GREB1L: variants seen among roughly 807,000 people sequenced by gnomAD.
The protein encoded by GREB1L is GREB1 like retinoic acid receptor coactivator.
GREB1L carries 17 observed loss-of-function variants against 200.8 expected under a neutral mutation model. That is an observed-to-expected ratio of 0.08 (90% CI 0.06 to 0.13). The LOEUF (loss-of-function observed/expected upper bound fraction) is 0.13, where lower values mean the gene tolerates loss of function less well. GREB1L is among the 10% of genes least tolerant of loss of function. The probability of loss-of-function intolerance (pLI) is 1.00; values close to 1 mark genes in which losing one functional copy is unlikely to be tolerated. For missense variants in GREB1L, 1,657 were observed against 2,367.7 expected, an observed-to-expected ratio of 0.70 and a Z score of 6.23; for synonymous variants, 789 against 893.0, an observed-to-expected ratio of 0.88 and a Z score of 2.08.
chr18:21,480,127 G>A (rs1270163774), intron 17 of GREB1L, among the ~76,000 whole-genome samples: 2 of 152,174 alleles, frequency 1.3e-5, no homozygotes, highest in Non-Finnish European at 2.9e-5. Flanking sequence ...GAGATGAGTG[G>A]ATCACTTGAG....
intron 1 of GREB1L, among the ~76,000 whole-genome samples, chr18:21,320,250 A>G (rs2038931205): frequency 6.6e-6 from 1 of 152,176 alleles, no homozygotes; most frequent in Admixed American, 6.5e-5. Context: ...GAAGAATACT[A>G]ACACCCACTA....
intron 17 of GREB1L, 114 bp from the exon 18 acceptor site, chr18:21,485,506 T>C: frequency 1.1e-6 from 1 of 895,514 alleles, no homozygotes. Context: ...TATTTTTTCT[T>C]ACTTGTCAGG....
intron 1 of GREB1L, among the ~76,000 whole-genome samples, chr18:21,316,619 A>C (rs1197702328): frequency 3.9e-5 from 6 of 152,184 alleles, no homozygotes; most frequent in Non-Finnish European, 7.3e-5. Flanking sequence ...CTGGCTGTAA[A>C]AACCACTTCC....
intron 1 of GREB1L, among the ~76,000 whole-genome samples, chr18:21,256,491 CTG>C (rs199570436): frequency 0.015 from 2,275 of 152,300 alleles, 58 homozygotes; most frequent in African/African-American, 0.051. Context: ...ATTTCACAGA[CTG>C]TATCATTCCC....
chr18:21,510,259 A>C (rs2146043059), intron 27 of GREB1L, among the ~76,000 whole-genome samples: 1 of 152,260 alleles, frequency 6.6e-6, no homozygotes, highest in African/African-American at 2.4e-5. Flanking sequence ...TAAAGTGTTA[A>C]AGTTCAGAAG....
chr18:21,426,522 T>G (rs1206473515), intron 7 of GREB1L, among the ~76,000 whole-genome samples: 2 of 152,158 alleles, frequency 1.3e-5, no homozygotes, highest in African/African-American at 4.8e-5. Flanking sequence ...AATGTAAGAG[T>G]TTATCTCTGG....
At chr18:21,339,814 T>G (rs573382662) in intron 1 of GREB1L, among the ~76,000 whole-genome samples, 42 of 152,182 alleles carry the variant, frequency 2.8e-4, no homozygotes, top group African/African-American at 9.6e-4. Flanking sequence ...GTTCATAAGA[T>G]TTTTTTTGAG....
intron 1 of GREB1L, among the ~76,000 whole-genome samples, chr18:21,243,196 G>T (rs1427232298): frequency 6.6e-6 from 1 of 152,046 alleles, no homozygotes; most frequent in Non-Finnish European, 1.5e-5. Flanking sequence ...ATCCATTCCC[G>T]CCGTCCCTCT....
chr18:21,307,366 T>C (rs1444402757), intron 1 of GREB1L, among the ~76,000 whole-genome samples: 4 of 152,242 alleles, frequency 2.6e-5, no homozygotes, highest in Non-Finnish European at 5.9e-5. Context: ...TAAGGTTCAC[T>C]GTTTCTCTGT....
intron 7 of GREB1L, among the ~76,000 whole-genome samples, chr18:21,419,920 A>G (rs1402999807): frequency 6.6e-6 from 1 of 152,250 alleles, no homozygotes; most frequent in Non-Finnish European, 1.5e-5. Context: ...GTTAAACCAA[A>G]AACTATGCAA....
At chr18:21,503,573 T>C (rs1019375331) in intron 23 of GREB1L, among the ~76,000 whole-genome samples, 5 of 145,394 alleles carry the variant, frequency 3.4e-5, no homozygotes, top group African/African-American at 1.3e-4. Context: ...TTATTATCAT[T>C]ATTATTATTA....
At chr18:21,434,108 T>G (rs1254334319) in intron 7 of GREB1L, among the ~76,000 whole-genome samples, 4 of 152,168 alleles carry the variant, frequency 2.6e-5, no homozygotes, top group Non-Finnish European at 5.9e-5. Context: ...CTCCTACATT[T>G]CAGTGAGTTG....
chr18:21,391,609 T>G (rs2040809962), intron 4 of GREB1L, among the ~76,000 whole-genome samples: 2 of 152,228 alleles, frequency 1.3e-5, no homozygotes, highest in Admixed American at 1.3e-4. Flanking sequence ...ACTTTCTTAG[T>G]CTCTTGGGGC....
At chr18:21,245,260 A>C (rs2037577101) in intron 1 of GREB1L, among the ~76,000 whole-genome samples, 1 of 152,236 alleles carries the variant, frequency 6.6e-6, no homozygotes. Context: ...AAGCTTTCTA[A>C]AAGCACCGCT....
At chr18:21,440,199 G>T in intron 8 of GREB1L, 70 bp from the exon 9 acceptor site, 1 of 1,478,844 alleles carries the variant, frequency 6.8e-7, no homozygotes, top group Non-Finnish European at 9.2e-7. Flanking sequence ...TTACTCTGGC[G>T]TTCTTTCCTT....
intron 1 of GREB1L, among the ~76,000 whole-genome samples, chr18:21,255,275 A>G (rs1324706497): frequency 6.6e-6 from 1 of 152,196 alleles, no homozygotes; most frequent in East Asian, 1.9e-4. Flanking sequence ...ACTTTCTTAG[A>G]AAGTTCTCCC....
At chr18:21,434,902 A>G (rs528154900) in intron 7 of GREB1L, 2 of 152,592 alleles carry the variant, frequency 1.3e-5, no homozygotes, top group East Asian at 1.9e-4. Context: ...TCCTTCCTGC[A>G]TATATAAATA....
At chr18:21,309,258 T>C (rs1411756210) in intron 1 of GREB1L, among the ~76,000 whole-genome samples, 1 of 152,206 alleles carries the variant, frequency 6.6e-6, no homozygotes, top group African/African-American at 2.4e-5. Flanking sequence ...AACCTTAGGC[T>C]GTAGACTTTT....
intron 2 of GREB1L, among the ~76,000 whole-genome samples, chr18:21,378,713 T>G (rs2040179773): frequency 6.6e-6 from 1 of 152,168 alleles, no homozygotes; most frequent in African/African-American, 2.4e-5. Context: ...ATGTTTTTAT[T>G]TGGAATAGAG....
Sources: gnomAD v4.1 joint callset for allele counts (sites outside exome capture counted in the v4.1 genomes callset) on GRCh38, gnomAD v4.1.1 for gene constraint, MANE v1.5 for transcripts, NCBI Gene and HGNC (gene_info 2026-07-23, HGNC 2026-07-21) for gene names.